Variants in PLIN4 observed in about 807,000 individuals in gnomAD.
The protein encoded by PLIN4 is perilipin-4.
In PLIN4, 57 loss-of-function variants were observed where a neutral mutation model predicts 52.4. That is an observed-to-expected ratio of 1.09 (90% CI 0.88 to 1.36). The LOEUF is 1.36. Ranked by LOEUF, PLIN4 falls within the 40% of genes most tolerant of loss-of-function variation. The pLI is 0.00. For synonymous variants in PLIN4, 826 were observed against 785.4 expected (o/e 1.05, Z -0.86); for missense variants, 1,757 against 1,770.3 (o/e 0.99, Z 0.13).
rs1319394379 is a variant in PLIN4, at chr19:4,513,561, C to T, written c.399G>A (p.Thr133=). The change falls in exon 5 of 8, where the codon ACG becomes ACA. Residue 133 remains threonine, a synonymous_variant. Transcript: ENST00000301286. ...GGLDTTRSAL[T]GTKEVVSSGV... ...CGCTGGACACCACCTCCTTGGTGCC[C>T]GTAAGTGCAGACCGAGTGGTGTCCA... The T allele has an allele frequency of 1.9e-5, 31 of 1,606,632 alleles. No individual in the cohort carries two copies. Among genetic ancestry groups the T allele is most frequent in the Non-Finnish European group, 2.3e-5 (27 of 1,176,880 alleles).
At chr19:4,509,828 G>T (rs1168702715) in intron 5 of PLIN4, among the ~76,000 whole-genome samples, 2 of 152,016 alleles carry the variant, frequency 1.3e-5, no homozygotes, top group African/African-American at 4.8e-5. Context: ...GGCTGGAGCA[G>T]GAGGATCACT....
Position 4,511,468 on chromosome 19 carries a change from G to A in PLIN4, c.2492C>T (p.Thr831Ile), listed in dbSNP as rs1976337096. The change falls in exon 5 of 8, where the codon ACT becomes ATT. Residue 831 changes from threonine (T) to isoleucine (I), a missense_variant. Coordinates refer to ENST00000301286, the MANE Select transcript of PLIN4 (RefSeq NM_001367868.2). ...AGCACCGGTGACCCCACTGCAGACAGTGTCCTTGGTACCGGTCAGCACGGT... is the reference window on the plus strand; with the variant it reads ...AGCACCGGTGACCCCACTGCAGACAATGTCCTTGGTACCGGTCAGCACGGT... ...AKTVLTGTKD[T>I]VCSGVTGAAN... 6.5e-7 allele frequency: 1 copy of A among 1,542,300 alleles called. No individual in the cohort carries two copies. The highest frequency in any genetic ancestry group is 8.9e-7 in the Non-Finnish European group (1 of 1,124,680).
At position 4,512,302 on chromosome 19, in the gene PLIN4, C is replaced by A. The variant is rs989991797; in HGVS notation, c.1658G>T (p.Gly553Val). Residue 553 changes from glycine to valine, a missense_variant, in exon 5 of 8, where the codon GGC becomes GTC. By Grantham distance (109) the Gly-to-Val change is moderately radical. Coordinates refer to ENST00000301286, the MANE Select transcript of PLIN4 (RefSeq NM_001367868.2). The part of the protein sequence containing the change: ...VNVAKGAVQG[G>V]LDTTKSVVIG... ...GACCACAGACTTGGTGGTGTCCAGG[C>A]CCCCCTGGACGGCCCCTTTGGCCAC... 6 of 1,611,966 alleles carry A rather than the reference C, an allele frequency of 3.7e-6. No individual in the cohort carries two copies. The East Asian group carries it at 6.7e-5, about 18-fold the overall frequency.
chr19:4,504,661 G>A lies in PLIN4; in HGVS notation c.3914C>T (p.Ala1305Val), dbSNP rs201143997. The change falls in exon 8 of 8, where the codon GCG (alanine) becomes GTG (valine). Residue 1305 changes from alanine (A) to valine (V), a missense_variant. This residue lies in a region of PLIN4 where 712 missense variants were observed against 637.1 expected (regional missense o/e 1.12). Transcript: ENST00000301286. Reference sequence around the variant, plus strand: ...ATAGAGCTCACAGAGGCTGTGCCGCGCCCGCCCCACTGGCTGCTGGAGCTC... The same window carrying A: ...ATAGAGCTCACAGAGGCTGTGCCGCACCCGCCCCACTGGCTGCTGGAGCTC... ...PAELQQPVGR[A>V]RHSLCELYGI... is the part of the protein sequence containing the mutation. The A allele has an allele frequency of 3.1e-4, 499 of 1,602,734 alleles. 1 individual carries two copies. The East Asian group carries it at 4.3e-3, about 14-fold the overall frequency.
At position 4,510,711 on chromosome 19, in the gene PLIN4, G is replaced by A. The variant is rs78776990; in HGVS notation, c.3249C>T (p.Ser1083=). ...TGCCAGAGAACGGGGCCTCTTGGGGGCTCAGGGCAGTCTGCTCCCCACCAT... is the reference window on the plus strand; with the variant it reads ...TGCCAGAGAACGGGGCCTCTTGGGGACTCAGGGCAGTCTGCTCCCCACCAT... The part of the protein sequence containing the change: ...TDNGGEQTAL[S]PQEAPFSGIS... The change falls in exon 5 of 8, where the codon AGC becomes AGT. Residue 1083 remains serine (S), a synonymous_variant. Coordinates refer to ENST00000301286, the MANE Select transcript of PLIN4 (RefSeq NM_001367868.2). 0.12 allele frequency: 178,349 copies of A among 1,534,210 alleles called. 11,350 individuals are homozygous for A. The highest frequency in any genetic ancestry group is 0.19 in the South Asian group (15,179 of 78,678).
In PLIN4 at chr19:4,518,257, C is replaced by T. The variant is rs899454683; in HGVS notation, c.16G>A (p.Glu6Lys). The T allele has an allele frequency of 4.1e-6, 5 of 1,232,814 alleles. No individual in the cohort carries two copies. The highest frequency in any genetic ancestry group is 1.6e-5 in the African/African-American group (1 of 64,420). The allele number at this position is 1,232,814 out of a possible 1,614,324, so 76.4% of individuals were successfully genotyped here. A position where few individuals can be genotyped will look rare whatever the true frequency, so the allele number is the denominator to read the frequency against. Residue 6 changes from glutamate to lysine, a missense_variant, in exon 2 of 8, where the codon GAA becomes AAA. By Grantham distance (56) the Glu-to-Lys change is moderately conservative. Transcript: ENST00000301286. MSAPD[E>K]GRRDPPKPKG... ...GGTTTGGGGGGATCCCGTCTCCCTT[C>T]GTCTGGAGCAGACATAGTGAGAACG... is the stretch of plus-strand genomic sequence containing the variant.
intron 6 of PLIN4, 47 bp from the exon 7 acceptor site, chr19:4,504,994 C>G: frequency 2.0e-6 from 3 of 1,515,340 alleles, no homozygotes; most frequent in Non-Finnish European, 2.7e-6. Context: ...TGGCAAATGA[C>G]CTTTCACAAC....
In PLIN4 at chr19:4,513,386, C is replaced by CCA. The variant is rs1568235847; in HGVS notation, c.572_573dup (p.Asp192TrpfsTer8). On this transcript the variant is annotated frameshift_variant, in exon 5 of 8. Coordinates refer to ENST00000301286, the MANE Select transcript of PLIN4 (RefSeq NM_001367868.2). LOFTEE classifies it high-confidence loss of function. Reference sequence around the variant, plus strand: ...CCGGTCAGCACAGTCTTGGTGGTGTCCACACCGGCCTGTACGGTCCCTTTG... The same window carrying CCA: ...CCGGTCAGCACAGTCTTGGTGGTGTCCACACACCGGCCTGTACGGTCCCTTTG... 6.2e-7 allele frequency: 1 copy of CCA among 1,613,574 alleles called. No individual in the cohort carries two copies. Among genetic ancestry groups the CCA allele is most frequent in the Admixed American group, 1.7e-5 (1 of 60,022 alleles).
Position 4,517,620 on chromosome 19 carries a change from T to C in PLIN4, c.130A>G (p.Arg44Gly). The C allele has an allele frequency of 6.2e-7, 1 of 1,610,080 alleles. No individual in the cohort carries two copies. Among genetic ancestry groups the C allele is most frequent in the Non-Finnish European group, 8.5e-7 (1 of 1,178,884 alleles). Residue 44 changes from arginine to glycine, a missense_variant, in exon 3 of 8, where the codon AGA (arginine) becomes GGA (glycine). By Grantham distance (125) the Arg-to-Gly change is moderately radical (BLOSUM62 -2). Coordinates refer to ENST00000301286, the MANE Select transcript of PLIN4 (RefSeq NM_001367868.2). ...GTGGGGTCAGCGGCCGGCCGGGCTCTCGCCGAGCTATGTGCGTTGGCCACC... is the reference window on the plus strand; with the variant it reads ...GTGGGGTCAGCGGCCGGCCGGGCTCCCGCCGAGCTATGTGCGTTGGCCACC... ...NLVANAHSSA[R>G]ARPAADPTGA...
At position 4,504,590 on chromosome 19, in the gene PLIN4, G is replaced by T. The variant is rs376310212; in HGVS notation, c.3985C>A (p.Arg1329=). The T allele has an allele frequency of 1.2e-6, 2 of 1,603,638 alleles. No individual in the cohort carries two copies. Among genetic ancestry groups the T allele is most frequent in the Non-Finnish European group, 1.7e-6 (2 of 1,177,306 alleles). ...AGSVEELPAE[R]LVQSREGVHQ... ...ACACCCTCGCGGCTCTGCACCAGCCGCTCTGCGGGCAGCTCCTCTACAGAG... is the reference window on the plus strand; with the variant it reads ...ACACCCTCGCGGCTCTGCACCAGCCTCTCTGCGGGCAGCTCCTCTACAGAG... The change falls in exon 8 of 8, where the codon CGG becomes AGG. Residue 1329 remains arginine (R), a synonymous_variant. Coordinates refer to ENST00000301286, the MANE Select transcript of PLIN4 (RefSeq NM_001367868.2).
rs1319000943 is a variant in PLIN4 at position 4,512,025 on chromosome 19, G to A, written c.1935C>T (p.Ala645=). 6.2e-7 allele frequency: 1 copy of A among 1,612,844 alleles called. No homozygotes were observed. Among genetic ancestry groups the A allele is most frequent in the South Asian group, 1.1e-5 (1 of 91,032 alleles). ...TCAGCCCAGTTTGCACAGCCCCCTT[G>A]GCCACGTTCACGGCACTGGTGACCC... ...YSGVTSAVNV[A]KGAVQTGLKT... is the part of the protein sequence containing the mutation. Residue 645 remains alanine, a synonymous_variant, in exon 5 of 8, where the codon GCC becomes GCT. Transcript: ENST00000301286.
In PLIN4 at chr19:4,510,974, T is replaced by C. The variant is rs868759318; in HGVS notation, c.2986A>G (p.Thr996Ala). ...GCACCGGTAACCCCACTGAAGACAG[T>C]GTCCTTGGTACCCATAAGCACAGCC... The part of the protein sequence containing the change: ...SKAVLMGTKD[T>A]VFSGVTGAMS... Residue 996 changes from threonine (T) to alanine (A), a missense_variant, in exon 5 of 8, where the codon ACT becomes GCT. Physicochemically the swap from Thr to Ala is moderately conservative, Grantham distance 58. This residue lies in a region of PLIN4 where 712 missense variants were observed against 637.1 expected (regional missense o/e 1.12). Transcript: ENST00000301286. The C allele has an allele frequency of 6.2e-6, 10 of 1,612,730 alleles. No homozygotes were observed. Among genetic ancestry groups the C allele is most frequent in the Non-Finnish European group, 8.5e-6 (10 of 1,179,682 alleles).
rs1295295707 is a variant in PLIN4 at position 4,510,835 on chromosome 19, G to A, written c.3125C>T (p.Thr1042Ile). The A allele has an allele frequency of 1.2e-6, 2 of 1,612,154 alleles. No individual in the cohort carries two copies. Among genetic ancestry groups the A allele is most frequent in the Non-Finnish European group, 8.5e-7 (1 of 1,178,656 alleles). The change falls in exon 5 of 8, where the codon ACA (threonine) becomes ATA (isoleucine). Residue 1042 changes from threonine (T) to isoleucine (I), a missense_variant. By Grantham distance (89) the Thr-to-Ile change is moderately conservative (BLOSUM62 -1). Transcript: ENST00000301286. Reference protein sequence around the residue: ...AGLMGSGNVATGATHTGLSTF... With the variant: ...AGLMGSGNVAIGATHTGLSTF... ...GCTGAGGCCAGTGTGGGTGGCCCCT[G>A]TCGCCACGTTCCCTGACCCCATGAG...
chr19:4,511,054 G>GT lies in PLIN4; in HGVS notation c.2905dup (p.Thr969AsnfsTer90), dbSNP rs1976295566. 5 of 1,613,386 alleles carry GT rather than the reference G, an allele frequency of 3.1e-6. No homozygotes were observed. The highest frequency in any genetic ancestry group is 4.2e-6 in the Non-Finnish European group (5 of 1,179,828). On this transcript the variant is annotated frameshift_variant, in exon 5 of 8. Transcript: ENST00000301286. LOFTEE classifies it high-confidence loss of function. ...TCCTTTGGCCACATTCACTGCCCCC[G>GT]TGACTCCAGTAGTCACTGCATCCTT... is the stretch of plus-strand genomic sequence containing the variant.
In PLIN4 at chr19:4,512,191, G is replaced by A; in HGVS notation, c.1769C>T (p.Ala590Val). 1 of 1,612,758 alleles carries A rather than the reference G, an allele frequency of 6.2e-7. No homozygotes were observed. Among genetic ancestry groups the A allele is most frequent in the Non-Finnish European group, 8.5e-7 (1 of 1,179,720 alleles). Residue 590 changes from alanine (A) to valine (V), a missense_variant, in exon 5 of 8, where the codon GCC becomes GTC. This residue lies in a region of PLIN4 where 439 missense variants were observed against 406.4 expected (regional missense o/e 1.08). Transcript: ENST00000301286. ...KGAVQTGVDT[A>V]KTVLTGTKDT... ...CTTGGTGCCGGTCAGCACGGTCTTG[G>A]CTGTGTCTACACCTGTCTGGACAGC...
chr19:4,508,705 G>A, intron 6 of PLIN4, 63 bp downstream of exon 6: 1 of 1,487,638 alleles, frequency 6.7e-7, no homozygotes, highest in Non-Finnish European at 9.0e-7. Flanking sequence ...AGCTGGGTGA[G>A]TCCTGGGCAG....
Position 4,511,939 on chromosome 19 carries a change from G to T in PLIN4, c.2021C>A (p.Ala674Asp). The T allele has an allele frequency of 6.3e-7, 1 of 1,598,324 alleles. No homozygotes were observed. The highest frequency in any genetic ancestry group is 8.6e-7 in the Non-Finnish European group (1 of 1,169,246). ...KNTFGSGVTS[A>D]VNVAKGAAQT... ...GGCAGCCCCTTTGGCCACATTCACA[G>T]CACTGGTCACCCCACTGCCAAAGGT... Residue 674 changes from alanine (A) to aspartate (D), a missense_variant, in exon 5 of 8, where the codon GCT (alanine) becomes GAT (aspartate). By Grantham distance (126) the Ala-to-Asp change is moderately radical. Transcript: ENST00000301286.
At chr19:4,513,777 C>T in intron 4 of PLIN4, 76 bp from the exon 5 acceptor site, 2 of 1,476,774 alleles carry the variant, frequency 1.4e-6, no homozygotes, top group Non-Finnish European at 1.8e-6. Flanking sequence ...CCAGCCCAGC[C>T]CCCTAGTGTG....
Position 4,517,697 on chromosome 19 carries a change from G to A in PLIN4, c.53C>T (p.Thr18Ile), listed in dbSNP as rs1488096504. 3 of 1,585,324 alleles carry A rather than the reference G, an allele frequency of 1.9e-6. No homozygotes were observed. The highest frequency in any genetic ancestry group is 1.3e-5 in the African/African-American group (1 of 74,528). ...RRDPPKPKGK[T>I]LGSFFGSLPG... is the part of the protein sequence containing the mutation. ...CAGGGACCCAAAGAAGCTGCCCAGGGTCTGCATGGGGGCGGGGGGTGTGCA... is the reference window on the plus strand; with the variant it reads ...CAGGGACCCAAAGAAGCTGCCCAGGATCTGCATGGGGGCGGGGGGTGTGCA... The change falls in exon 3 of 8, where the codon ACC becomes ATC. Residue 18 changes from threonine to isoleucine, a missense_variant and splice_region_variant. Thr to Ile is a moderately conservative substitution (Grantham distance 89). Around this residue, in one of 7 missense-constraint regions of PLIN4, gnomAD observed 332 missense variants for 310.8 expected, o/e 1.07. Coordinates refer to ENST00000301286, the MANE Select transcript of PLIN4 (RefSeq NM_001367868.2).
Sources: allele counts gnomAD v4.1 joint callset (sites outside exome capture counted in the v4.1 genomes callset), GRCh38; gene constraint gnomAD v4.1.1; regional missense constraint gnomAD v4.1.1; transcripts MANE v1.5; gene names NCBI Gene and HGNC (gene_info 2026-07-23, HGNC 2026-07-21).